The following WNK1 variants were observed in gnomAD, a reference collection of about 807,000 sequenced individuals.
The protein encoded by WNK1 is serine/threonine-protein kinase WNK1.
Under a neutral mutation model 222.8 loss-of-function variants are expected in WNK1, and 38 were observed. The observed-to-expected ratio is 0.17, with a 90% CI of 0.13 to 0.22. WNK1 has a LOEUF of 0.22. Among genes scored for constraint, WNK1 ranks in the 10% least tolerant of loss-of-function variants. The pLI, the probability that WNK1 is intolerant of heterozygous loss-of-function variation, is 1.00. For synonymous variants in WNK1, 1,090 were observed against 1,092.9 expected, an observed-to-expected ratio of 1.00 and a Z score of 0.05; for missense variants, 2,348 against 2,918.4, an observed-to-expected ratio of 0.80 and a Z score of 4.50.
intron 26 of WNK1, among the ~76,000 whole-genome samples, chr12:904,236 G>T (rs941214473): frequency 1.3e-5 from 2 of 152,136 alleles, no homozygotes; most frequent in African/African-American, 4.8e-5. Context: ...ACATCTGTCA[G>T]CCACGTAACA....
At position 753,206 on chromosome 12, in the gene WNK1, C is replaced by T. The variant is rs991943367; in HGVS notation, c.-360C>T. ...CGCATCCGCCTCGACTCGGTGCCGG[C>T]CCCTGGCCCTCCCCTCATGACTGCG... On this transcript the variant is annotated 5_prime_UTR_variant, in exon 1 of 28. Coordinates refer to ENST00000315939, the MANE Select transcript of WNK1 (RefSeq NM_018979.4). The surrounding 1 kb of genome is among the most constrained non-coding windows in gnomAD (Gnocchi z 5.2). 4.6e-6 allele frequency: 1 copy of T among 215,590 alleles called. No homozygotes were observed. Among genetic ancestry groups the T allele is most frequent in the Non-Finnish European group, 9.2e-6 (1 of 108,666 alleles). 13.4% of individuals were successfully genotyped at this position (215,590 alleles called of 1,614,324 possible).
chr12:861,528 G>C (rs1054340534), intron 7 of WNK1, among the ~76,000 whole-genome samples, 185 bp downstream of exon 7: 4 of 152,144 alleles, frequency 2.6e-5, no homozygotes, highest in Admixed American at 2.0e-4. Context: ...TAGAAGGATG[G>C]GGTGGTAAGG....
rs72648646 is a variant in WNK1 at position 851,311 on chromosome 12, A to G, written c.1312-5850A>G. ...TTTTTGGTAAATGGGTTTCTAGTGT[A>G]CATAGAGTTAAGCATCCAAGAAAGG... On this transcript the variant is annotated intron_variant, in intron 4 of 27. Coordinates refer to ENST00000315939, the MANE Select transcript of WNK1 (RefSeq NM_018979.4). The G allele has an allele frequency of 4.9e-5, 47 of 959,330 alleles. No individual in the cohort carries two copies. In the African/African-American group the frequency reaches 7.0e-4, roughly 14 times the overall value. 59.4% of individuals were successfully genotyped at this position (959,330 alleles called of 1,614,324 possible).
At chr12:903,944 TA>T (rs1338282612) in intron 26 of WNK1, among the ~76,000 whole-genome samples, 2 of 152,216 alleles carry the variant, frequency 1.3e-5, no homozygotes, top group African/African-American at 4.8e-5. Context: ...GGGGTTAGTA[TA>T]TATATGTGGG....
intron 1 of WNK1, among the ~76,000 whole-genome samples, chr12:758,813 C>T (rs1308422765): frequency 1.4e-5 from 2 of 146,620 alleles, no homozygotes; most frequent in East Asian, 3.9e-4. Context: ...ATTTTTTTCT[C>T]TTACCTTTTT....
At chr12:864,123 T>TTTTTTTTTG in intron 8 of WNK1, among the ~76,000 whole-genome samples, 1 of 147,308 alleles carries the variant, frequency 6.8e-6, no homozygotes, top group South Asian at 2.2e-4. Context: ...TTTTTTTTTT[T>TTTTTTTTTG]TTTTGACAGC....
At chr12:908,222 T>C in intron 27 of WNK1, 188 bp downstream of exon 27, 1 of 843,300 alleles carries the variant, frequency 1.2e-6, no homozygotes, top group Non-Finnish European at 1.9e-6. Flanking sequence ...CTCTTGTTGG[T>C]CAGCTCAACT....
intron 6 of WNK1, 78 bp from the exon 7 acceptor site, chr12:860,935 T>A (rs1485256248): frequency 4.8e-5 from 66 of 1,364,966 alleles, no homozygotes; most frequent in Non-Finnish European, 6.5e-5. Flanking sequence ...GCCTTTTTTT[T>A]TTTTGGCGGG....
At chr12:850,866 G>A (rs980336786) in intron 4 of WNK1, among the ~76,000 whole-genome samples, 8 of 152,174 alleles carry the variant, frequency 5.3e-5, no homozygotes, top group Non-Finnish European at 1.0e-4. Context: ...GTTTGTCAAA[G>A]ATCAGATGGT....
chr12:897,233 GA>G (rs1555158940), intron 24 of WNK1, among the ~76,000 whole-genome samples: 1 of 152,120 alleles, frequency 6.6e-6, no homozygotes, highest in Non-Finnish European at 1.5e-5. Flanking sequence ...CAAAAGTCAG[GA>G]AATGTTTTTC....
intron 4 of WNK1, among the ~76,000 whole-genome samples, chr12:835,481 TA>T (rs1949109767): frequency 6.6e-6 from 1 of 152,244 alleles, no homozygotes; most frequent in African/African-American, 2.4e-5. Context: ...GGAGAAAAGT[TA>T]ATTTTACTTG....
At chr12:831,105 G>A (rs1002206599) in intron 4 of WNK1, among the ~76,000 whole-genome samples, 4 of 152,150 alleles carry the variant, frequency 2.6e-5, no homozygotes, top group African/African-American at 9.7e-5. Context: ...TAAAATGGTT[G>A]GGGTAGGTTA....
intron 14 of WNK1, 91 bp downstream of exon 14, chr12:882,164 TC>T: frequency 2.2e-6 from 3 of 1,377,302 alleles, no homozygotes; most frequent in Non-Finnish European, 2.0e-6. Flanking sequence ...ACCACTCACT[TC>T]ATAAAATAAA....
chr12:862,411 A>G, intron 8 of WNK1, 141 bp downstream of exon 8: 3 of 918,152 alleles, frequency 3.3e-6, no homozygotes, highest in Admixed American at 2.1e-5. Context: ...AAGCCTTATT[A>G]TAGAGTAGGA....
At chr12:863,399 C>A (rs1050574610) in intron 8 of WNK1, among the ~76,000 whole-genome samples, 5 of 152,066 alleles carry the variant, frequency 3.3e-5, no homozygotes, top group Non-Finnish European at 7.4e-5. Flanking sequence ...TACTTTCTGT[C>A]TTTAAAATAA....
chr12:863,779 ATTC>A (rs1295528761), intron 8 of WNK1, among the ~76,000 whole-genome samples: 2 of 152,198 alleles, frequency 1.3e-5, no homozygotes, highest in Non-Finnish European at 2.9e-5. Context: ...GTCTAATTCT[ATTC>A]TTGTCTCATT....
chr12:904,338 C>G, intron 26 of WNK1: 1 of 726,576 alleles, frequency 1.4e-6, no homozygotes, highest in Admixed American at 2.4e-5. Context: ...TCCTACCTAT[C>G]TGTCTCACCT....
intron 8 of WNK1, chr12:865,500 C>A: frequency 8.1e-7 from 1 of 1,234,072 alleles, no homozygotes; most frequent in Non-Finnish European, 1.1e-6. Context: ...ACCAGTTATT[C>A]CTGTAGGAAA....
chr12:835,772 G>A (rs1008787018), intron 4 of WNK1, among the ~76,000 whole-genome samples: 8 of 152,176 alleles, frequency 5.3e-5, no homozygotes, highest in African/African-American at 1.9e-4. Flanking sequence ...GGCCAACATG[G>A]TGAAACCCCA....
Sources: gnomAD v4.1 joint callset for allele counts (sites outside exome capture counted in the v4.1 genomes callset) on GRCh38, gnomAD v4.1.1 for gene constraint, Gnocchi (gnomAD v3.1) non-coding constraint, MANE v1.5 for transcripts, NCBI Gene and HGNC (gene_info 2026-07-23, HGNC 2026-07-21) for gene names.